SET: variants seen among roughly 807,000 people sequenced by gnomAD.
The protein encoded by SET is protein SET.
In SET, 4 loss-of-function variants were observed where a neutral mutation model predicts 39.0. The observed-to-expected ratio is 0.10, with a 90% CI of 0.05 to 0.23. The LOEUF (loss-of-function observed/expected upper bound fraction) is 0.23, where lower values mean the gene tolerates loss of function less well. SET is among the 10% of genes least tolerant of loss of function. The pLI, the probability that SET is intolerant of heterozygous loss-of-function variation, is 1.00. For missense variants in SET, 137 were observed against 329.7 expected, an observed-to-expected ratio of 0.42 and a Z score of 4.53; for synonymous variants, 114 against 115.9, an observed-to-expected ratio of 0.98 and a Z score of 0.11.
chr9:128,695,994 A>G lies in SET; in HGVS notation c.*1330A>G, dbSNP rs1168980873. The G allele has an allele frequency of 9.3e-5, 21 of 226,132 alleles. No individual in the cohort carries two copies. Among genetic ancestry groups the G allele is most frequent in the Non-Finnish European group, 1.8e-5 (2 of 113,026 alleles). 14.0% of individuals were successfully genotyped at this position (226,132 alleles called of 1,614,324 possible). ...GTGGCCAAGAAGATAGGCTCTCAGT[A>G]AGAAGTCTGATGGTGAGCAGTAACT... On this transcript the variant is annotated 3_prime_UTR_variant, in exon 8 of 8. Coordinates refer to ENST00000322030, the MANE Select transcript of SET (RefSeq NM_003011.4).
Position 128,691,156 on chromosome 9 carries a change from C to G in SET, c.74-14C>G. ...ATTTATCTTAGAATTAAGTTTTTTGCTCCTTTTTTGCAGAAAAAGAACAGC... is the reference window on the plus strand; with the variant it reads ...ATTTATCTTAGAATTAAGTTTTTTGGTCCTTTTTTGCAGAAAAAGAACAGC... On this transcript the variant is annotated splice_polypyrimidine_tract_variant and intron_variant, in intron 1 of 7. Transcript: ENST00000322030. The G allele has an allele frequency of 1.3e-6, 2 of 1,596,424 alleles. No individual in the cohort carries two copies. The highest frequency in any genetic ancestry group is 1.7e-6 in the Non-Finnish European group (2 of 1,169,970).
At position 128,694,920 on chromosome 9, in the gene SET, C is replaced by A; in HGVS notation, c.*256C>A. 2.8e-6 allele frequency: 1 copy of A among 357,452 alleles called. No individual in the cohort carries two copies. Among genetic ancestry groups the A allele is most frequent in the African/African-American group, 2.1e-5 (1 of 47,668 alleles). The allele number at this position is 357,452 out of a possible 1,614,324, so 22.1% of individuals were successfully genotyped here. On this transcript the variant is annotated 3_prime_UTR_variant, in exon 8 of 8. Coordinates refer to ENST00000322030, the MANE Select transcript of SET (RefSeq NM_003011.4). ...TTATCCCTTCCTGTCTGAACAAAAA[C>A]TGTATGGAATCAACACCACCGAGCT...
rs1327992520 is a variant in SET, at chr9:128,696,378, CAT to C, written c.*1716_*1717del. On this transcript the variant is annotated 3_prime_UTR_variant, in exon 8 of 8. Coordinates refer to ENST00000322030, the MANE Select transcript of SET (RefSeq NM_003011.4). ...CAGGAATCTTGCTCCAATAAAGGAACATAAAGATTTTTTTTGGACTGGGGTCA... is the reference window on the plus strand; with the variant it reads ...CAGGAATCTTGCTCCAATAAAGGAACAAAGATTTTTTTTGGACTGGGGTCA... 5.6e-6 allele frequency: 1 copy of C among 179,990 alleles called. No homozygotes were observed. Among genetic ancestry groups the C allele is most frequent in the Non-Finnish European group, 1.2e-5 (1 of 83,838 alleles). 11.1% of individuals were successfully genotyped at this position (179,990 alleles called of 1,614,324 possible).
In SET at chr9:128,689,311, A is replaced by C. The variant is rs1861406600; in HGVS notation, c.-272A>C. ...TCGCCGAGCGCGAGTGAGGGAGCCG[A>C]GCCGCCCGCCGCCGCCGCCTCCGCC... On this transcript the variant is annotated 5_prime_UTR_variant, in exon 1 of 8. Coordinates refer to ENST00000322030, the MANE Select transcript of SET (RefSeq NM_003011.4). 2 of 1,025,132 alleles carry C rather than the reference A, an allele frequency of 2.0e-6. No homozygotes were observed. The highest frequency in any genetic ancestry group is 1.5e-4 in the East Asian group (2 of 13,482). The allele number at this position is 1,025,132 out of a possible 1,614,324, so 63.5% of individuals were successfully genotyped here.
At chr9:128,689,205 C>G (rs1443658954), upstream of SET, 14 of 974,756 alleles carry the variant, frequency 1.4e-5, no homozygotes, top group Non-Finnish European at 1.6e-5. Context: ...CCTGGCGCGC[C>G]TGCGCCCTGC....
Position 128,689,474 on chromosome 9 carries a change from G to T in SET, c.-109G>T. 1.6e-6 allele frequency: 1 copy of T among 644,064 alleles called. No homozygotes were observed. The highest frequency in any genetic ancestry group is 5.1e-5 in the South Asian group (1 of 19,532). 39.9% of individuals were successfully genotyped at this position (644,064 alleles called of 1,614,324 possible). On this transcript the variant is annotated 5_prime_UTR_variant, in exon 1 of 8. Coordinates refer to ENST00000322030, the MANE Select transcript of SET (RefSeq NM_003011.4). ...AGCGAGCGCCGGGAGGAGGCGGCCG[G>T]ACCGAGCGGGCGCCCGCGCGTGTGG... is the stretch of plus-strand genomic sequence containing the variant.
chr9:128,689,549 C>A lies in SET; in HGVS notation c.-34C>A. On this transcript the variant is annotated 5_prime_UTR_variant, in exon 1 of 8. Coordinates refer to ENST00000322030, the MANE Select transcript of SET (RefSeq NM_003011.4). The stretch of plus-strand genomic sequence containing the variant: ...CCCCTTCGCCTTCCCTTCTCTCCCC[C>A]TCCCCGCTCCCCCCCCGACCGCGGA... The A allele has an allele frequency of 8.1e-7, 1 of 1,240,688 alleles. No individual in the cohort carries two copies. 76.9% of individuals were successfully genotyped at this position (1,240,688 alleles called of 1,614,324 possible).
rs1448468430 is a variant in SET, at chr9:128,695,119, G to C, written c.*455G>C. The C allele has an allele frequency of 4.5e-6, 1 of 224,014 alleles. No homozygotes were observed. The highest frequency in any genetic ancestry group is 9.0e-6 in the Non-Finnish European group (1 of 111,602). The allele number at this position is 224,014 out of a possible 1,614,324, so 13.9% of individuals were successfully genotyped here. ...ATGGACAGTTAGCATTTACCAACAT[G>C]TATCTGTCTACTTTCTCTTGTTTAA... On this transcript the variant is annotated 3_prime_UTR_variant, in exon 8 of 8. Coordinates refer to ENST00000322030, the MANE Select transcript of SET (RefSeq NM_003011.4).
chr9:128,691,107 A>G, intron 1 of SET, 63 bp from the exon 2 acceptor site: 1 of 1,283,178 alleles, frequency 7.8e-7, no homozygotes, highest in Non-Finnish European at 1.1e-6. Context: ...ATATTATAGT[A>G]TTAACATCTG....
At chr9:128,683,883 C>T in exon 1 of SET, 1 of 1,546,494 alleles carries the variant, frequency 6.5e-7, no homozygotes, top group Non-Finnish European at 8.7e-7. Flanking sequence ...GGTTCTGGGA[C>T]TTCCCTAACA....
At chr9:128,692,828 G>A (rs1356758195) in intron 4 of SET, 40 bp from the exon 5 acceptor site, 1 of 1,507,872 alleles carries the variant, frequency 6.6e-7, no homozygotes, top group East Asian at 2.3e-5. Flanking sequence ...TTGGTTGGAA[G>A]ACCTGTTCAT....
chr9:128,693,610 A>G (rs1861622616), intron 5 of SET, 28 bp from the exon 6 acceptor site: 1 of 1,574,868 alleles, frequency 6.3e-7, no homozygotes, highest in Admixed American at 1.9e-5. Flanking sequence ...GAGAGATTGT[A>G]TCAAAAGCTC....
At chr9:128,685,126 C>T, upstream of SET, 4 of 1,565,226 alleles carry the variant, frequency 2.6e-6, no homozygotes, top group South Asian at 4.7e-5. Context: ...TCAGTGTGGA[C>T]CTGTTGGCAC....
At chr9:128,691,729 G>T in intron 2 of SET, 129 bp from the exon 3 acceptor site, 1 of 880,860 alleles carries the variant, frequency 1.1e-6, no homozygotes, top group Non-Finnish European at 1.7e-6. Flanking sequence ...TAAATTAGGT[G>T]ATAATGGTTA....
upstream of SET, among the ~76,000 whole-genome samples, chr9:128,685,814 CTG>C (rs1861264113): frequency 6.6e-6 from 1 of 152,054 alleles, no homozygotes; most frequent in African/African-American, 2.4e-5. Flanking sequence ...GGCAGATCAC[CTG>C]AGGTCAGAAG....
At chr9:128,691,354 A>G in intron 2 of SET, 127 bp downstream of exon 2, 1 of 662,388 alleles carries the variant, frequency 1.5e-6, no homozygotes, top group South Asian at 1.9e-5. Flanking sequence ...GGTTGGAAAT[A>G]CTTATGTAGA....
upstream of SET, among the ~76,000 whole-genome samples, chr9:128,688,935 C>A (rs1223303655): frequency 6.6e-6 from 1 of 151,776 alleles, no homozygotes. Context: ...CGTGACGCGC[C>A]GGCCGGGGGC....
rs35778650 is a variant in SET, at chr9:128,694,734, CTTTTTTTTTTTTT to C, written c.*82_*94del. Reference sequence around the variant, plus strand: ...CCAGTCCCTGGGAGCAAGTTGCAGTCTTTTTTTTTTTTTTTTTTTTTTTTCCCTCTTGTGCTCA... The same window carrying C: ...CCAGTCCCTGGGAGCAAGTTGCAGTCTTTTTTTTTTTCCCTCTTGTGCTCA... On this transcript the variant is annotated 3_prime_UTR_variant, in exon 8 of 8. Coordinates refer to ENST00000322030, the MANE Select transcript of SET (RefSeq NM_003011.4). 7 of 304,054 alleles carry C rather than the reference CTTTTTTTTTTTTT, an allele frequency of 2.3e-5. No individual in the cohort carries two copies. The highest frequency in any genetic ancestry group is 1.3e-4 in the African/African-American group (3 of 22,576). The allele number at this position is 304,054 out of a possible 1,614,324, so 18.8% of individuals were successfully genotyped here.
exon 1 of SET, chr9:128,683,895 C>G: frequency 1.3e-6 from 2 of 1,550,504 alleles, no homozygotes; most frequent in East Asian, 4.9e-5. Flanking sequence ...TCCCTAACAG[C>G]ATGGCCCCTA....
Sources: allele counts gnomAD v4.1 joint callset (sites outside exome capture counted in the v4.1 genomes callset), GRCh38; gene constraint gnomAD v4.1.1; transcripts MANE v1.5; gene names NCBI Gene and HGNC (gene_info 2026-07-23, HGNC 2026-07-21).